The following PSD3 variants were observed in gnomAD, a reference collection of about 807,000 sequenced individuals.
The protein encoded by PSD3 is pleckstrin and Sec7 domain containing 3.
PSD3 carries 49 observed loss-of-function variants against 105.5 expected under a neutral mutation model. That is an observed-to-expected ratio of 0.46 (90% CI 0.37 to 0.59). The LOEUF is 0.59. Among genes scored for constraint, PSD3 ranks in the 20% least tolerant of loss-of-function variants. The probability of loss-of-function intolerance (pLI) is 0.00; values close to 1 mark genes in which losing one functional copy is unlikely to be tolerated. For missense variants in PSD3, 1,561 were observed against 1,263.8 expected, an observed-to-expected ratio of 1.24 and a Z score of -3.57; for synonymous variants, 557 against 457.8, an observed-to-expected ratio of 1.22 and a Z score of -2.77.
At chr8:18,545,477 GA>G (rs1042137084) in intron 15 of PSD3, among the ~76,000 whole-genome samples, 502 of 145,708 alleles carry the variant, frequency 3.4e-3, no homozygotes, top group African/African-American at 9.5e-3. Context: ...CAACAAAATG[GA>G]AAAAAAAAAA....
intron 1 of PSD3, among the ~76,000 whole-genome samples, chr8:19,069,636 T>C (rs1416064875): frequency 1.3e-5 from 2 of 152,206 alleles, no homozygotes; most frequent in African/African-American, 2.4e-5. Context: ...TTTTCTACGA[T>C]GTGCAGGAAG....
intron 2 of PSD3, among the ~76,000 whole-genome samples, chr8:18,917,651 C>A (rs1164335229): frequency 6.6e-6 from 1 of 152,136 alleles, no homozygotes; most frequent in African/African-American, 2.4e-5. Context: ...TTACCATATC[C>A]TTTTATTACA....
chr8:18,827,191 G>A (rs1317057368), intron 4 of PSD3, among the ~76,000 whole-genome samples: 1 of 152,132 alleles, frequency 6.6e-6, no homozygotes, highest in Non-Finnish European at 1.5e-5. Flanking sequence ...CACAAACTCT[G>A]CACAGAAAAC....
intron 9 of PSD3, among the ~76,000 whole-genome samples, chr8:18,753,622 C>T (rs1465352311): frequency 6.6e-6 from 1 of 152,116 alleles, no homozygotes; most frequent in Non-Finnish European, 1.5e-5. Flanking sequence ...AAAAATCCAA[C>T]ATTGACAGGG....
chr8:18,816,329 G>C (rs1812220658), intron 4 of PSD3, among the ~76,000 whole-genome samples: 1 of 152,176 alleles, frequency 6.6e-6, no homozygotes, highest in Admixed American at 6.5e-5. Flanking sequence ...GAGGTATGGT[G>C]CAGTTAAATA....
chr8:18,817,026 C>T (rs1422069937), intron 4 of PSD3, among the ~76,000 whole-genome samples: 21 of 152,096 alleles, frequency 1.4e-4, no homozygotes, highest in Admixed American at 1.3e-3. Context: ...CAAATGCAGG[C>T]CTGGGCAAGA....
chr8:18,997,917 C>T (rs1826165501), intron 1 of PSD3, among the ~76,000 whole-genome samples: 2 of 152,060 alleles, frequency 1.3e-5, no homozygotes, highest in Admixed American at 1.3e-4. Flanking sequence ...TGTCAACATA[C>T]TACACACACG....
At position 18,890,912 on chromosome 8, in the gene PSD3, G is replaced by T. The variant is rs570666067; in HGVS notation, c.131-18179C>A. Among the ~76,000 whole-genome samples, 17 of 152,234 alleles carry T rather than the reference G, an allele frequency of 1.1e-4. No homozygotes were observed. In the East Asian group the frequency reaches 2.5e-3, roughly 22 times the overall value. ...CTGTCTTCCAGGGACCAAGCAAGAT[G>T]CTTTTCACCTCTCAGGCCTCCCCTG... On this transcript the variant is annotated intron_variant, in intron 2 of 15. Coordinates refer to ENST00000327040, the MANE Select transcript of PSD3 (RefSeq NM_015310.4).
intron 10 of PSD3, among the ~76,000 whole-genome samples, chr8:18,653,419 T>C (rs931140551): frequency 3.3e-5 from 5 of 151,916 alleles, no homozygotes; most frequent in African/African-American, 7.3e-5. Context: ...CAGGCATCAA[T>C]TGAAGAGCAA....
intron 9 of PSD3, among the ~76,000 whole-genome samples, chr8:18,706,119 G>A (rs1426562121): frequency 6.6e-6 from 1 of 152,120 alleles, no homozygotes; most frequent in African/African-American, 2.4e-5. Flanking sequence ...GCTTGTCACT[G>A]AGCAACTGTT....
chr8:18,578,518 G>A (rs1802602521), intron 12 of PSD3, among the ~76,000 whole-genome samples: 2 of 151,874 alleles, frequency 1.3e-5, no homozygotes, highest in African/African-American at 4.8e-5. Flanking sequence ...CTATGTAACC[G>A]TTGGGATGGT....
At chr8:18,867,554 T>C in intron 4 of PSD3, 120 bp downstream of exon 4, 1 of 1,286,890 alleles carries the variant, frequency 7.8e-7, no homozygotes, top group Non-Finnish European at 1.1e-6. Context: ...ACTCACATCA[T>C]TTGCTTATGT....
chr8:18,614,338 C>T (rs186202062), intron 11 of PSD3, among the ~76,000 whole-genome samples: 1 of 148,846 alleles, frequency 6.7e-6, no homozygotes, highest in Non-Finnish European at 1.5e-5. Context: ...CCTTCTCCCC[C>T]ATCCCCCCCC....
At chr8:18,932,549 A>T (rs1352321316) in intron 2 of PSD3, among the ~76,000 whole-genome samples, 6 of 152,240 alleles carry the variant, frequency 3.9e-5, no homozygotes, top group African/African-American at 1.4e-4. Context: ...ACTAAAGCTG[A>T]GACTTCTCAT....
Position 18,531,426 on chromosome 8 carries a change from T to C in PSD3, c.*4317A>G, listed in dbSNP as rs905808578. 2 of 152,350 alleles carry C rather than the reference T, an allele frequency of 1.3e-5. No homozygotes were observed. Among genetic ancestry groups the C allele is most frequent in the Non-Finnish European group, 1.5e-5 (1 of 68,040 alleles). 9.4% of individuals were successfully genotyped at this position (152,350 alleles called of 1,614,324 possible). Reference sequence around the variant, plus strand: ...TGGATTTCAGTCCTTCCTTTATGGATGAGAGATGGAAAAGGAATCTGAGAG... The same window carrying C: ...TGGATTTCAGTCCTTCCTTTATGGACGAGAGATGGAAAAGGAATCTGAGAG... On this transcript the variant is annotated 3_prime_UTR_variant, in exon 16 of 16. Coordinates refer to ENST00000327040, the MANE Select transcript of PSD3 (RefSeq NM_015310.4).
At chr8:18,781,716 G>A (rs766172780) in intron 8 of PSD3, among the ~76,000 whole-genome samples, 6 of 152,078 alleles carry the variant, frequency 3.9e-5, no homozygotes, top group African/African-American at 4.8e-5. Flanking sequence ...GAAGATCTTC[G>A]AGCTTCCTAT....
chr8:18,691,874 A>C (rs544632099), intron 9 of PSD3, among the ~76,000 whole-genome samples: 7 of 152,324 alleles, frequency 4.6e-5, no homozygotes, highest in Non-Finnish European at 8.8e-5. Context: ...ACATGACCCT[A>C]GGTGCATTTT....
At chr8:18,567,741 T>C (rs560131600) in intron 14 of PSD3, among the ~76,000 whole-genome samples, 1 of 152,260 alleles carries the variant, frequency 6.6e-6, no homozygotes, top group South Asian at 2.1e-4. Context: ...TTCCATTCAT[T>C]CCCCCATCAA....
intron 4 of PSD3, among the ~76,000 whole-genome samples, chr8:18,846,163 T>C (rs769230474): frequency 6.6e-6 from 1 of 152,322 alleles, no homozygotes; most frequent in Middle Eastern, 3.4e-3. Flanking sequence ...TAATAAGCCA[T>C]TTAACGCATG....
Sources: allele counts gnomAD v4.1 joint callset (sites outside exome capture counted in the v4.1 genomes callset), GRCh38; gene constraint gnomAD v4.1.1; transcripts MANE v1.5; gene names NCBI Gene and HGNC (gene_info 2026-07-23, HGNC 2026-07-21).